The following GABPB1 variants were observed in gnomAD, a reference collection of about 807,000 sequenced individuals.
GABPB1 encodes the protein GA binding protein transcription factor subunit beta 1.
In GABPB1, 15 loss-of-function variants were observed where a neutral mutation model predicts 45.9. The ratio of observed to expected loss-of-function variants is 0.33; its 90% CI spans 0.22 to 0.50. GABPB1 has a LOEUF of 0.50. GABPB1 is among the 20% of genes least tolerant of loss of function. GABPB1 has a pLI of 0.98. For synonymous variants in GABPB1, 143 were observed against 154.4 expected (o/e 0.93, Z 0.55); for missense variants, 252 against 457.5 (o/e 0.55, Z 4.10).
At chr15:50,351,481 C>CAG in intron 1 of GABPB1, 1 of 152,270 alleles carries the variant, frequency 6.6e-6, no homozygotes, top group East Asian at 1.9e-4. Flanking sequence ...GAGGCTGAGG[C>CAG]AGAGGCAGGA....
intron 1 of GABPB1, among the ~76,000 whole-genome samples, chr15:50,317,751 T>C (rs2141079395): frequency 6.6e-6 from 1 of 151,740 alleles, no homozygotes; most frequent in African/African-American, 2.4e-5. Context: ...CTACTGAAAA[T>C]ACAAAAAATT....
chr15:50,345,854 G>A (rs1347627562), intron 1 of GABPB1, among the ~76,000 whole-genome samples: 1 of 152,078 alleles, frequency 6.6e-6, no homozygotes, highest in Non-Finnish European at 1.5e-5. Flanking sequence ...TGGAACTACA[G>A]GCGCTCGCCA....
At chr15:50,288,125 C>G (rs1291494218) in intron 7 of GABPB1, among the ~76,000 whole-genome samples, 1 of 152,188 alleles carries the variant, frequency 6.6e-6, no homozygotes, top group African/African-American at 2.4e-5. Context: ...AATCATAGTT[C>G]ACTGCAGCCT....
intron 6 of GABPB1, among the ~76,000 whole-genome samples, chr15:50,293,917 A>G (rs182542040): frequency 1.4e-4 from 22 of 152,346 alleles, no homozygotes; most frequent in Admixed American, 1.3e-3. Context: ...TTGAAACACT[A>G]AAAGAGAAAG....
Position 50,278,575 on chromosome 15 carries a change from T to C in GABPB1, c.*57A>G, listed in dbSNP as rs567261081. On this transcript the variant is annotated 3_prime_UTR_variant, in exon 9 of 9. Transcript: ENST00000380877. ...ATGGCTGTACCTTTGTTGTGTACAG[T>C]TCAAGATTGTATTCTTTCTTGACCA... is the stretch of plus-strand genomic sequence containing the variant. The C allele has an allele frequency of 4.3e-5, 64 of 1,474,790 alleles. No individual in the cohort carries two copies. The highest frequency in any genetic ancestry group is 2.8e-4 in the South Asian group (24 of 85,522). 91.4% of individuals were successfully genotyped at this position (1,474,790 alleles called of 1,614,324 possible). A position where few individuals can be genotyped will look rare whatever the true frequency, so the allele number is the denominator to read the frequency against.
At chr15:50,329,448 A>G (rs1203731754) in intron 1 of GABPB1, among the ~76,000 whole-genome samples, 1 of 152,176 alleles carries the variant, frequency 6.6e-6, no homozygotes, top group Non-Finnish European at 1.5e-5. Context: ...TTTATCCTAC[A>G]ATACATATCA....
chr15:50,326,515 A>G (rs894088068), intron 1 of GABPB1, among the ~76,000 whole-genome samples: 5 of 152,126 alleles, frequency 3.3e-5, no homozygotes, highest in African/African-American at 1.2e-4. Context: ...AAAAACAATT[A>G]GCTGGGCATG....
intron 1 of GABPB1, among the ~76,000 whole-genome samples, chr15:50,313,369 T>C (rs756779223): frequency 3.9e-5 from 6 of 152,202 alleles, no homozygotes; most frequent in Non-Finnish European, 5.9e-5. Context: ...CTTTGATATA[T>C]TGACAACTCA....
intron 8 of GABPB1, among the ~76,000 whole-genome samples, chr15:50,285,664 C>A (rs1314843095): frequency 6.6e-6 from 1 of 152,042 alleles, no homozygotes; most frequent in Non-Finnish European, 1.5e-5. Flanking sequence ...AAACATCAAC[C>A]TCCTTTAAGA....
intron 2 of GABPB1, among the ~76,000 whole-genome samples, chr15:50,305,978 T>G (rs950095591): frequency 3.3e-5 from 5 of 151,874 alleles, no homozygotes; most frequent in Admixed American, 3.3e-4. Context: ...GGGTTTTTTT[T>G]TATTCATTTT....
At chr15:50,354,701 G>C (rs1259847452) in intron 1 of GABPB1, 1 of 337,384 alleles carries the variant, frequency 3.0e-6, no homozygotes. Flanking sequence ...CGGCATGCTA[G>C]GGCCGAGGAG....
rs1005484940 is a variant in GABPB1, at chr15:50,300,914, A to C, written c.584-12T>G. The C allele has an allele frequency of 2.1e-6, 3 of 1,462,302 alleles. No homozygotes were observed. The highest frequency in any genetic ancestry group is 1.1e-5 in the South Asian group (1 of 87,962). 90.6% of individuals were successfully genotyped at this position (1,462,302 alleles called of 1,614,324 possible). ...TACACCCGTTTCATCTGTAAGAAAA[A>C]AGAAAATAGATTTGAATTTCTAAGG... On this transcript the variant is annotated splice_polypyrimidine_tract_variant and intron_variant, in intron 5 of 8. Transcript: ENST00000380877.
chr15:50,312,188 T>C (rs1163090182), intron 1 of GABPB1, among the ~76,000 whole-genome samples: 2 of 151,864 alleles, frequency 1.3e-5, no homozygotes, highest in African/African-American at 4.8e-5. Flanking sequence ...CTACTAAAAA[T>C]TCAATCCAGC....
intron 8 of GABPB1, among the ~76,000 whole-genome samples, chr15:50,282,105 G>C (rs2045995044): frequency 6.6e-6 from 1 of 152,164 alleles, no homozygotes; most frequent in Non-Finnish European, 1.5e-5. Context: ...GCTGTGAGGT[G>C]GGAGGATTGC....
intron 1 of GABPB1, among the ~76,000 whole-genome samples, chr15:50,335,730 C>G (rs1453553952): frequency 6.6e-6 from 1 of 151,632 alleles, no homozygotes; most frequent in South Asian, 2.1e-4. Flanking sequence ...AACCCCATCT[C>G]TATTAAAAAT....
At chr15:50,313,020 T>C (rs1254712933) in intron 1 of GABPB1, among the ~76,000 whole-genome samples, 2 of 152,194 alleles carry the variant, frequency 1.3e-5, no homozygotes, top group African/African-American at 4.8e-5. Flanking sequence ...TATGGGTAGA[T>C]AACTGTTGAG....
At chr15:50,299,035 T>C (rs147808774) in intron 6 of GABPB1, among the ~76,000 whole-genome samples, 35 of 150,906 alleles carry the variant, frequency 2.3e-4, no homozygotes, top group Non-Finnish European at 4.6e-4. Context: ...AAGTCAAGAA[T>C]ATTACAGTAA....
chr15:50,346,139 G>A (rs1298558026), intron 1 of GABPB1, among the ~76,000 whole-genome samples: 1 of 152,044 alleles, frequency 6.6e-6, no homozygotes, highest in Non-Finnish European at 1.5e-5. Context: ...TAAGATGAAA[G>A]AACAGTGATT....
intron 1 of GABPB1, among the ~76,000 whole-genome samples, chr15:50,345,035 G>A (rs2048514102): frequency 6.6e-6 from 1 of 152,008 alleles, no homozygotes; most frequent in African/African-American, 2.4e-5. Context: ...AACATGGATG[G>A]GACACACATT....
Sources: gnomAD v4.1 joint callset for allele counts (sites outside exome capture counted in the v4.1 genomes callset) on GRCh38, gnomAD v4.1.1 for gene constraint, MANE v1.5 for transcripts, NCBI Gene and HGNC (gene_info 2026-07-23, HGNC 2026-07-21) for gene names.